The following ATXN1 variants were observed in gnomAD, a reference collection of about 807,000 sequenced individuals.
ATXN1 encodes ataxin 1.
Under a neutral mutation model 56.4 loss-of-function variants are expected in ATXN1, and 8 were observed. The observed-to-expected ratio is 0.14, with a 90% CI of 0.08 to 0.26. The LOEUF (loss-of-function observed/expected upper bound fraction) is 0.26, where lower values mean the gene tolerates loss of function less well. Ranked by LOEUF, ATXN1 falls within the 10% of genes least tolerant of loss-of-function variation. ATXN1 has a pLI of 1.00. For missense variants in ATXN1, 987 were observed against 1,106.5 expected, an observed-to-expected ratio of 0.89 and a Z score of 1.53; for synonymous variants, 514 against 494.6, an observed-to-expected ratio of 1.04 and a Z score of -0.52.
rs74551385 is a variant in ATXN1 at position 16,579,851 on chromosome 6, G to A, written c.-361+5929C>T. ...GTGGCTCTGTGGCTCCCATTTTAGA[G>A]AGAGAGAGAGAGAGAAGAATGATTA... On this transcript the variant is annotated intron_variant, in intron 4 of 7. Transcript: ENST00000436367. Among the ~76,000 whole-genome samples, 102 of 152,012 alleles carry A rather than the reference G, an allele frequency of 6.7e-4. 1 individual carries two copies. Among genetic ancestry groups the A allele is most frequent in the East Asian group, 5.8e-3 (30 of 5,174 alleles).
intron 6 of ATXN1, among the ~76,000 whole-genome samples, chr6:16,344,676 T>C (rs1222030357): frequency 2.0e-5 from 3 of 152,234 alleles, no homozygotes; most frequent in African/African-American, 4.8e-5. Flanking sequence ...TTCCCTACTT[T>C]TGAGGTCTTG....
intron 4 of ATXN1, among the ~76,000 whole-genome samples, chr6:16,547,549 A>G (rs1382733850): frequency 1.3e-5 from 2 of 152,156 alleles, no homozygotes; most frequent in Admixed American, 6.5e-5. Flanking sequence ...GGGGGGCTTC[A>G]ACAATAGAAA....
chr6:16,449,037 G>C (rs910249050), intron 6 of ATXN1, among the ~76,000 whole-genome samples: 1 of 152,124 alleles, frequency 6.6e-6, no homozygotes, highest in Non-Finnish European at 1.5e-5. Flanking sequence ...CTACTAATGG[G>C]CCAGACCATA....
intron 2 of ATXN1, among the ~76,000 whole-genome samples, chr6:16,688,211 A>G (rs919029316): frequency 6.6e-6 from 1 of 152,262 alleles, no homozygotes; most frequent in African/African-American, 2.4e-5. Context: ...AGAATGAGAC[A>G]TATCATTTAG....
chr6:16,753,218 T>A lies in ATXN1; in HGVS notation c.-615+15A>T, dbSNP rs1262303439. 2.2e-6 allele frequency: 1 copy of A among 456,500 alleles called. No homozygotes were observed. Among genetic ancestry groups the A allele is most frequent in the Non-Finnish European group, 4.4e-6 (1 of 226,950 alleles). The allele number at this position is 456,500 out of a possible 1,614,324, so 28.3% of individuals were successfully genotyped here. On this transcript the variant is annotated intron_variant, in intron 2 of 7. Transcript: ENST00000436367. The stretch of plus-strand genomic sequence containing the variant: ...ATCCTCAGATGGAAAACAGAGAGCA[T>A]CGCAAAACTCTCACCTGACATGTGA...
chr6:16,716,760 T>C (rs2113463368), intron 2 of ATXN1, among the ~76,000 whole-genome samples: 1 of 152,322 alleles, frequency 6.6e-6, no homozygotes, highest in African/African-American at 2.4e-5. Flanking sequence ...AGACAAATTA[T>C]TGGATGTAGC....
chr6:16,456,320 C>G (rs2113619559), intron 6 of ATXN1, among the ~76,000 whole-genome samples: 1 of 152,268 alleles, frequency 6.6e-6, no homozygotes, highest in South Asian at 2.1e-4. Flanking sequence ...GCTATTCTGT[C>G]CTATTTTTCC....
At chr6:16,488,280 C>A (rs1314769817) in intron 5 of ATXN1, among the ~76,000 whole-genome samples, 1 of 152,184 alleles carries the variant, frequency 6.6e-6, no homozygotes, top group Admixed American at 6.5e-5. Flanking sequence ...AACCCTCCCC[C>A]AAAAAGGACT....
chr6:16,613,295 A>AT (rs1763147324), intron 3 of ATXN1, among the ~76,000 whole-genome samples: 11 of 149,188 alleles, frequency 7.4e-5, no homozygotes, highest in African/African-American at 2.5e-4. Flanking sequence ...AAAAAAAAAA[A>AT]TTATTTTAAA....
chr6:16,308,746 G>A (rs1171348568), intron 7 of ATXN1, among the ~76,000 whole-genome samples: 2 of 152,084 alleles, frequency 1.3e-5, no homozygotes, highest in Non-Finnish European at 2.9e-5. Context: ...AAAAAAGGGG[G>A]GTGGTGGTCA....
chr6:16,349,395 C>T (rs926234723), intron 6 of ATXN1, among the ~76,000 whole-genome samples: 5 of 151,732 alleles, frequency 3.3e-5, no homozygotes, highest in Admixed American at 6.6e-5. Context: ...TCCAGCTACT[C>T]GGGAGGCTGA....
intron 3 of ATXN1, among the ~76,000 whole-genome samples, chr6:16,639,410 T>C (rs1763664152): frequency 6.6e-6 from 1 of 152,012 alleles, no homozygotes. Flanking sequence ...ACCTCCTAGG[T>C]TCAAGCGATT....
intron 2 of ATXN1, among the ~76,000 whole-genome samples, chr6:16,682,905 T>A (rs1758844880): frequency 6.6e-6 from 1 of 152,192 alleles, no homozygotes; most frequent in African/African-American, 2.4e-5. Context: ...TTATATGTAT[T>A]TATTTGTTGA....
At chr6:16,600,409 G>C (rs577928179) in intron 3 of ATXN1, among the ~76,000 whole-genome samples, 1 of 152,076 alleles carries the variant, frequency 6.6e-6, no homozygotes, top group Non-Finnish European at 1.5e-5. Context: ...AAATTTCTCC[G>C]TGATATTAGC....
intron 7 of ATXN1, among the ~76,000 whole-genome samples, chr6:16,322,454 A>G (rs1331468582): frequency 6.6e-6 from 1 of 152,200 alleles, no homozygotes; most frequent in Non-Finnish European, 1.5e-5. Context: ...CTGTTCATGC[A>G]GGATTTCTGC....
At chr6:16,390,707 C>T (rs887311366) in intron 6 of ATXN1, among the ~76,000 whole-genome samples, 20 of 151,584 alleles carry the variant, frequency 1.3e-4, no homozygotes, top group African/African-American at 3.4e-4. Flanking sequence ...CACACACACA[C>T]GCATGCACAC....
chr6:16,400,864 C>T (rs1412773846), intron 6 of ATXN1, among the ~76,000 whole-genome samples: 1 of 152,160 alleles, frequency 6.6e-6, no homozygotes, highest in African/African-American at 2.4e-5. Context: ...TTGGCTAACA[C>T]TCCAACCCAG....
rs746676585 is a variant in ATXN1 at position 16,584,223 on chromosome 6, C to CATATAT, written c.-361+1551_-361+1556dup. ...ATTTAATCATGTTCCCGATATTGGA[C>CATATAT]ATATATATATATATATATATACACA... On this transcript the variant is annotated intron_variant, in intron 4 of 7. Coordinates refer to ENST00000436367, the MANE Select transcript of ATXN1 (RefSeq NM_001128164.2). 6.6e-3 allele frequency among the ~76,000 whole-genome samples: 532 copies of CATATAT among 80,654 alleles called. 7 individuals carry two copies. The highest frequency in any genetic ancestry group is 0.011 in the Admixed American group (74 of 6,638). 52.9% of individuals were successfully genotyped at this position (80,654 alleles called of 152,430 possible).
rs546100729 is a variant in ATXN1, at chr6:16,590,904, G to A, written c.-488-4997C>T. Among the ~76,000 whole-genome samples, 6 of 150,188 alleles carry A rather than the reference G, an allele frequency of 4.0e-5. No individual in the cohort carries two copies. In the South Asian group the frequency reaches 6.4e-4, roughly 16 times the overall value. On this transcript the variant is annotated intron_variant, in intron 3 of 7. Coordinates refer to ENST00000436367, the MANE Select transcript of ATXN1 (RefSeq NM_001128164.2). Reference sequence around the variant, plus strand: ...GTTGCCCAGGCTGGAGTGCAATGGCGCAATCTCCACTCACCATAACCTCCG... The same window carrying A: ...GTTGCCCAGGCTGGAGTGCAATGGCACAATCTCCACTCACCATAACCTCCG...
Sources: allele counts gnomAD v4.1 joint callset (sites outside exome capture counted in the v4.1 genomes callset), GRCh38; gene constraint gnomAD v4.1.1; transcripts MANE v1.5; gene names NCBI Gene and HGNC (gene_info 2026-07-23, HGNC 2026-07-21).